The following MEGF11 variants were observed in gnomAD, a reference collection of about 807,000 sequenced individuals.
MEGF11 encodes multiple EGF like domains 11.
A neutral mutation model predicts 146.6 loss-of-function variants in MEGF11; 126 were observed. The observed-to-expected ratio is 0.86, with a 90% confidence interval of 0.74 to 1.00. The LOEUF (loss-of-function observed/expected upper bound fraction) is 1.00, where lower values mean the gene tolerates loss of function less well. MEGF11 is among the 50% of genes least tolerant of loss of function. MEGF11 has a pLI of 0.00. For synonymous variants in MEGF11, 532 were observed against 583.4 expected (o/e 0.91, Z 1.27); for missense variants, 1,509 against 1,521.2 (o/e 0.99, Z 0.13).
intron 7 of MEGF11, among the ~76,000 whole-genome samples, chr15:65,971,573 C>T (rs1003935610): frequency 6.6e-6 from 1 of 152,180 alleles, no homozygotes; most frequent in African/African-American, 2.4e-5. Context: ...TGCTGCGCTC[C>T]TAAAGGCTGA....
Position 66,017,172 on chromosome 15 carries a change from T to A in MEGF11, c.395-34684A>T, listed in dbSNP as rs137925653. Among the ~76,000 whole-genome samples the A allele has an allele frequency of 4.6e-3, 701 of 152,192 alleles. 8 individuals are homozygous for A. The highest frequency in any genetic ancestry group is 0.016 in the African/African-American group (656 of 41,524). On this transcript the variant is annotated intron_variant, in intron 5 of 25. Coordinates refer to ENST00000395614, the MANE Select transcript of MEGF11 (RefSeq NM_001385028.1). ...AAGCCACACAGACCAGGCCCATGAT[T>A]ACTGTAATGGAGCTGTCATCTGCAG...
At chr15:66,028,339 G>A (rs538076414) in intron 5 of MEGF11, among the ~76,000 whole-genome samples, 5 of 152,262 alleles carry the variant, frequency 3.3e-5, no homozygotes, top group African/African-American at 1.2e-4. Context: ...ACAACAGGGA[G>A]GTCCTATTTT....
intron 1 of MEGF11, among the ~76,000 whole-genome samples, chr15:66,224,856 C>T (rs766987991): frequency 3.3e-5 from 5 of 151,722 alleles, no homozygotes; most frequent in South Asian, 2.1e-4. Context: ...GGTTTAGTGA[C>T]GGGCAAGGCT....
intron 9 of MEGF11, among the ~76,000 whole-genome samples, chr15:65,960,198 T>C (rs554038908): frequency 6.6e-6 from 1 of 152,378 alleles, no homozygotes; most frequent in African/African-American, 2.4e-5. Flanking sequence ...GTGCTATCTC[T>C]GGATTGAGAA....
chr15:65,979,716 C>T (rs1191385866), intron 7 of MEGF11, among the ~76,000 whole-genome samples: 2 of 152,204 alleles, frequency 1.3e-5, no homozygotes, highest in African/African-American at 4.8e-5. Flanking sequence ...GGATAGAAAT[C>T]AAGCTATCAT....
intron 1 of MEGF11, among the ~76,000 whole-genome samples, chr15:66,165,950 C>G (rs1017095815): frequency 6.6e-6 from 1 of 152,140 alleles, no homozygotes; most frequent in Admixed American, 6.5e-5. Context: ...GGCAGGGTGG[C>G]TGAGCTCTGA....
intron 9 of MEGF11, among the ~76,000 whole-genome samples, chr15:65,958,395 G>A (rs1032349255): frequency 6.6e-6 from 1 of 152,210 alleles, no homozygotes; most frequent in African/African-American, 2.4e-5. Flanking sequence ...AGAGAGTAGG[G>A]CAACCTCTAG....
At position 66,242,435 on chromosome 15, in the gene MEGF11, GAAA is replaced by G. The variant is rs551254440; in HGVS notation, c.-9+11167_-9+11169del. On this transcript the variant is annotated intron_variant, in intron 1 of 25. Coordinates refer to ENST00000395614, the MANE Select transcript of MEGF11 (RefSeq NM_001385028.1). ...AAAAAAAAAGAAAGAAAGAAAGAAA[GAAA>G]AAGAAGAAGAAAGAAGGACAGATGG... is the stretch of plus-strand genomic sequence containing the variant. Among the ~76,000 whole-genome samples the G allele has an allele frequency of 1.5e-4, 18 of 121,394 alleles. No homozygotes were observed. In the South Asian group the frequency reaches 4.1e-3, roughly 28 times the overall value. 79.6% of individuals were successfully genotyped at this position (121,394 alleles called of 152,430 possible). A position where few individuals can be genotyped will look rare whatever the true frequency, so the allele number is the denominator to read the frequency against.
At chr15:66,165,753 A>G (rs539855408) in intron 1 of MEGF11, among the ~76,000 whole-genome samples, 64 of 152,266 alleles carry the variant, frequency 4.2e-4, no homozygotes, top group African/African-American at 1.5e-3. Context: ...CTCCCTTCAG[A>G]GGCCCCCATG....
intron 1 of MEGF11, among the ~76,000 whole-genome samples, chr15:66,236,960 G>A (rs1184647553): frequency 6.6e-6 from 1 of 152,126 alleles, no homozygotes; most frequent in Non-Finnish European, 1.5e-5. Context: ...CCCTCCGTGT[G>A]CCCGGCATGG....
At chr15:66,224,515 C>T (rs1233258401) in intron 1 of MEGF11, among the ~76,000 whole-genome samples, 1 of 151,292 alleles carries the variant, frequency 6.6e-6, no homozygotes, top group Non-Finnish European at 1.5e-5. Flanking sequence ...ACCCGGGAGG[C>T]GGAGTTTGCA....
At chr15:66,164,377 G>C (rs186715435) in intron 1 of MEGF11, among the ~76,000 whole-genome samples, 1 of 152,294 alleles carries the variant, frequency 6.6e-6, no homozygotes, top group East Asian at 1.9e-4. Context: ...GGGCCTGCTG[G>C]ATCTACATCA....
At chr15:65,925,844 G>A (rs537591547) in intron 13 of MEGF11, among the ~76,000 whole-genome samples, 1 of 152,298 alleles carries the variant, frequency 6.6e-6, no homozygotes, top group South Asian at 2.1e-4. Context: ...TCTCCAGGAA[G>A]CCTTCTTGGA....
chr15:66,159,493 C>T (rs2089878494), intron 1 of MEGF11, among the ~76,000 whole-genome samples: 1 of 152,202 alleles, frequency 6.6e-6, no homozygotes, highest in Non-Finnish European at 1.5e-5. Context: ...TCCTTTGAGG[C>T]TTTTCAGCAC....
At position 66,049,339 on chromosome 15, in the gene MEGF11, G is replaced by A. The variant is rs187030437; in HGVS notation, c.394+45063C>T. The stretch of plus-strand genomic sequence containing the variant: ...GCTCCTGGGTCAGGAAAAGGGTTGG[G>A]GTAGGGGGAGAGGTGACAAAGGAGA... On this transcript the variant is annotated intron_variant, in intron 5 of 25. Transcript: ENST00000395614. Among the ~76,000 whole-genome samples, 436 of 152,288 alleles carry A rather than the reference G, an allele frequency of 2.9e-3. 5 individuals are homozygous for A. Among genetic ancestry groups the A allele is most frequent in the Middle Eastern group, 6.8e-3 (2 of 294 alleles).
At chr15:66,202,275 C>T (rs2091182880) in intron 1 of MEGF11, among the ~76,000 whole-genome samples, 1 of 152,208 alleles carries the variant, frequency 6.6e-6, no homozygotes, top group African/African-American at 2.4e-5. Flanking sequence ...AGCCACCAGC[C>T]ATTAGAGTAA....
At position 66,161,530 on chromosome 15, in the gene MEGF11, C is replaced by T. The variant is rs557523728; in HGVS notation, c.-8-33119G>A. ...CCCCTTAAGTGGCTGGGACTACAGG[C>T]GTGTACCACCATGCCTGGCTAAATT... On this transcript the variant is annotated intron_variant, in intron 1 of 25. Coordinates refer to ENST00000395614, the MANE Select transcript of MEGF11 (RefSeq NM_001385028.1). Among the ~76,000 whole-genome samples the T allele has an allele frequency of 7.7e-4, 117 of 152,210 alleles. No individual in the cohort carries two copies. The Middle Eastern group carries it at 0.01, about 13-fold the overall frequency.
intron 10 of MEGF11, 124 bp from the exon 11 acceptor site, chr15:65,931,067 A>G (rs944860369): frequency 9.9e-5 from 118 of 1,186,654 alleles, no homozygotes; most frequent in Admixed American, 1.8e-4. Flanking sequence ...ATCTGTGAAT[A>G]TGTTACCTTA....
chr15:66,053,005 T>C (rs2084513538), intron 5 of MEGF11, among the ~76,000 whole-genome samples: 1 of 152,010 alleles, frequency 6.6e-6, no homozygotes, highest in South Asian at 2.1e-4. Flanking sequence ...GCCAAATGGA[T>C]GGATGCATGG....
Sources: gnomAD v4.1 joint callset for allele counts (sites outside exome capture counted in the v4.1 genomes callset) on GRCh38, gnomAD v4.1.1 for gene constraint, MANE v1.5 for transcripts, NCBI Gene and HGNC (gene_info 2026-07-23, HGNC 2026-07-21) for gene names.